Variants in DTD1 observed in about 807,000 individuals in gnomAD.
The protein encoded by DTD1 is D-aminoacyl-tRNA deacylase 1, also known as D-tyrosyl-tRNA deacylase 1 homolog.
A neutral mutation model predicts 25.6 loss-of-function variants in DTD1; 13 were observed. That is an observed-to-expected ratio of 0.51 (90% confidence interval 0.33 to 0.81). The LOEUF (loss-of-function observed/expected upper bound fraction) is 0.81. Among genes scored for constraint, DTD1 ranks in the 30% least tolerant of loss-of-function variants. The pLI, the probability that DTD1 is intolerant of heterozygous loss-of-function variation, is 0.02. For missense variants in DTD1, 193 were observed against 266.4 expected, an observed-to-expected ratio of 0.72 and a Z score of 1.92; for synonymous variants, 110 against 103.6, an observed-to-expected ratio of 1.06 and a Z score of -0.37.
At chr20:18,673,384 C>T (rs1426065632) in intron 4 of DTD1, among the ~76,000 whole-genome samples, 1 of 152,068 alleles carries the variant, frequency 6.6e-6, no homozygotes, top group African/African-American at 2.4e-5. Context: ...CTCCTTTTTA[C>T]AAGTTATTGG....
intron 5 of DTD1, among the ~76,000 whole-genome samples, chr20:18,757,351 G>A (rs1273297241): frequency 1.3e-5 from 2 of 152,326 alleles, no homozygotes; most frequent in Middle Eastern, 3.4e-3. Flanking sequence ...TCTTGTGTGA[G>A]TTTTCAAAGG....
chr20:18,725,222 G>T (rs2061218896), intron 4 of DTD1, among the ~76,000 whole-genome samples: 1 of 152,130 alleles, frequency 6.6e-6, no homozygotes, highest in Admixed American at 6.6e-5. Context: ...GTAACTTTTG[G>T]GTCACCAGGT....
chr20:18,619,264 G>A (rs1298885656), intron 3 of DTD1, among the ~76,000 whole-genome samples: 1 of 152,016 alleles, frequency 6.6e-6, no homozygotes, highest in Non-Finnish European at 1.5e-5. Flanking sequence ...CTTGCTTAAG[G>A]GACTGTTTGC....
intron 4 of DTD1, among the ~76,000 whole-genome samples, chr20:18,701,167 C>T (rs1313638579): frequency 6.6e-6 from 1 of 152,184 alleles, no homozygotes; most frequent in Non-Finnish European, 1.5e-5. Flanking sequence ...TTTGGTACCC[C>T]TGCCTGGTGC....
At chr20:18,661,502 G>T (rs2060910306) in intron 4 of DTD1, among the ~76,000 whole-genome samples, 1 of 151,520 alleles carries the variant, frequency 6.6e-6, no homozygotes, top group Non-Finnish European at 1.5e-5. Context: ...CTCCTGAGTA[G>T]CTGGGACTAC....
intron 4 of DTD1, among the ~76,000 whole-genome samples, chr20:18,726,720 C>T (rs1033894224): frequency 6.6e-6 from 1 of 152,186 alleles, no homozygotes; most frequent in Non-Finnish European, 1.5e-5. Flanking sequence ...TTCCCAATAC[C>T]TCTTCCTCCC....
chr20:18,729,560 T>G lies in DTD1; in HGVS notation c.478-14540T>G, dbSNP rs542008142. 2.6e-5 allele frequency among the ~76,000 whole-genome samples: 4 copies of G among 152,370 alleles called. No individual in the cohort carries two copies. In the East Asian group the frequency reaches 7.7e-4, roughly 29 times the overall value. On this transcript the variant is annotated intron_variant, in intron 4 of 5. Coordinates refer to ENST00000377452, the MANE Select transcript of DTD1 (RefSeq NM_080820.6). Reference sequence around the variant, plus strand: ...GTACATTTGTGATCAATAGTGGTTTTATTCCTCTTCAGATATTTTGTGGGG... The same window carrying G: ...GTACATTTGTGATCAATAGTGGTTTGATTCCTCTTCAGATATTTTGTGGGG...
At chr20:18,739,909 T>C (rs986163987) in intron 4 of DTD1, among the ~76,000 whole-genome samples, 1 of 151,426 alleles carries the variant, frequency 6.6e-6, no homozygotes, top group Admixed American at 6.6e-5. Flanking sequence ...TGTGGTTGGG[T>C]TGTTTTAAGA....
chr20:18,761,882 T>C (rs2061364489), intron 5 of DTD1, among the ~76,000 whole-genome samples: 1 of 152,198 alleles, frequency 6.6e-6, no homozygotes, highest in African/African-American at 2.4e-5. Flanking sequence ...AGCTAAAAAC[T>C]GAAAGTAATA....
chr20:18,724,291 A>G (rs542484386), intron 4 of DTD1, among the ~76,000 whole-genome samples: 106 of 152,286 alleles, frequency 7.0e-4, no homozygotes, highest in African/African-American at 2.5e-3. Flanking sequence ...GTGGGCAGGT[A>G]GGCACATGGG....
intron 4 of DTD1, among the ~76,000 whole-genome samples, chr20:18,695,386 G>A (rs1011949461): frequency 1.8e-5 from 1 of 57,002 alleles, no homozygotes; most frequent in South Asian, 6.3e-4. Flanking sequence ...CCTTCCATAA[G>A]GGAAATGCTC....
intron 4 of DTD1, among the ~76,000 whole-genome samples, chr20:18,665,174 A>G (rs1166266795): frequency 6.6e-6 from 1 of 152,202 alleles, no homozygotes; most frequent in African/African-American, 2.4e-5. Context: ...AGTGTGGGCC[A>G]TCACTGAGTT....
intron 4 of DTD1, among the ~76,000 whole-genome samples, chr20:18,733,285 T>C (rs2061244844): frequency 6.6e-6 from 1 of 152,162 alleles, no homozygotes; most frequent in Non-Finnish European, 1.5e-5. Context: ...GCCTGCCCTA[T>C]ACTCAGGCCT....
At chr20:18,633,623 A>G (rs1348766282) in intron 4 of DTD1, among the ~76,000 whole-genome samples, 2 of 152,044 alleles carry the variant, frequency 1.3e-5, no homozygotes, top group Non-Finnish European at 2.9e-5. Context: ...GGCCATTGTC[A>G]CTGCTGTTGC....
intron 4 of DTD1, among the ~76,000 whole-genome samples, chr20:18,650,059 A>T (rs1362568613): frequency 6.6e-6 from 1 of 152,052 alleles, no homozygotes; most frequent in Non-Finnish European, 1.5e-5. Context: ...CAAAATTTAA[A>T]CAAAACAACA....
intron 4 of DTD1, among the ~76,000 whole-genome samples, chr20:18,635,034 G>A (rs2060801719): frequency 1.3e-5 from 2 of 152,156 alleles, no homozygotes; most frequent in Admixed American, 1.3e-4. Flanking sequence ...TTTTCACTCT[G>A]TTTTTAGGCT....
intron 4 of DTD1, among the ~76,000 whole-genome samples, chr20:18,708,211 TATATATAA>T (rs2061135730): frequency 8.3e-5 from 3 of 36,334 alleles, no homozygotes; most frequent in African/African-American, 3.2e-4. Context: ...ATATATTTTA[TATATATAA>T]TATATATATA....
rs1568677020 is a variant in DTD1, at chr20:18,708,304, ATAT to A, written c.478-35794_478-35792del. On this transcript the variant is annotated intron_variant, in intron 4 of 5. Coordinates refer to ENST00000377452, the MANE Select transcript of DTD1 (RefSeq NM_080820.6). ...TATATATTATATATATATAATATAT[ATAT>A]TTTATATATATATTATATATATATA... 2.6e-3 allele frequency among the ~76,000 whole-genome samples: 145 copies of A among 55,672 alleles called. 8 individuals are homozygous for A. Among genetic ancestry groups the A allele is most frequent in the Non-Finnish European group, 4.0e-3 (119 of 29,582 alleles). The allele number at this position is 55,672 out of a possible 152,430, so 36.5% of individuals were successfully genotyped here.
chr20:18,706,407 G>C (rs573998558), intron 4 of DTD1, among the ~76,000 whole-genome samples: 1 of 152,316 alleles, frequency 6.6e-6, no homozygotes, highest in African/African-American at 2.4e-5. Context: ...TCTCTTTGCT[G>C]TTGCTTTAGA....
Sources: gnomAD v4.1 joint callset for allele counts (sites outside exome capture counted in the v4.1 genomes callset) on GRCh38, gnomAD v4.1.1 for gene constraint, MANE v1.5 for transcripts, NCBI Gene and HGNC (gene_info 2026-07-23, HGNC 2026-07-21) for gene names.